Variants in FSTL5 observed in about 807,000 individuals in gnomAD.
The protein encoded by FSTL5 is follistatin like 5, also known as follistatin-related protein 5.
A neutral mutation model predicts 89.1 loss-of-function variants in FSTL5; 62 were observed. That is an observed-to-expected ratio of 0.70 (90% confidence interval 0.57 to 0.86). The LOEUF (loss-of-function observed/expected upper bound fraction) is 0.86, where lower values mean the gene tolerates loss of function less well. FSTL5 is among the 40% of genes least tolerant of loss of function. The pLI, the probability that FSTL5 is intolerant of heterozygous loss-of-function variation, is 0.00. For synonymous variants in FSTL5, 383 were observed against 346.2 expected, an observed-to-expected ratio of 1.11 and a Z score of -1.18; for missense variants, 1,057 against 1,001.6, an observed-to-expected ratio of 1.06 and a Z score of -0.75.
At chr4:161,714,953 T>G (rs1192486862) in intron 6 of FSTL5, among the ~76,000 whole-genome samples, 1 of 152,140 alleles carries the variant, frequency 6.6e-6, no homozygotes, top group Non-Finnish European at 1.5e-5. Context: ...ACTTAATAAA[T>G]AGTAAATTTT....
At chr4:161,860,226 T>C (rs1452336787) in intron 4 of FSTL5, among the ~76,000 whole-genome samples, 4 of 151,994 alleles carry the variant, frequency 2.6e-5, no homozygotes, top group Admixed American at 6.6e-5. Context: ...AGGCGGAGCT[T>C]GCAGTGAGAG....
At chr4:161,621,008 T>C (rs1258585013) in intron 7 of FSTL5, among the ~76,000 whole-genome samples, 1 of 151,892 alleles carries the variant, frequency 6.6e-6, no homozygotes, top group African/African-American at 2.4e-5. Context: ...AGAAACACAG[T>C]AGGAATATAA....
intron 3 of FSTL5, among the ~76,000 whole-genome samples, chr4:161,949,960 G>C (rs991203156): frequency 6.6e-6 from 1 of 151,594 alleles, no homozygotes; most frequent in Non-Finnish European, 1.5e-5. Context: ...TAATTGTTTT[G>C]TCTCTTGATG....
chr4:161,505,618 A>G (rs1730451548), intron 11 of FSTL5, among the ~76,000 whole-genome samples: 1 of 152,214 alleles, frequency 6.6e-6, no homozygotes, highest in Non-Finnish European at 1.5e-5. Flanking sequence ...AAATGTTATA[A>G]TGTAATAGAA....
At chr4:162,136,027 C>T (rs191038026) in intron 1 of FSTL5, among the ~76,000 whole-genome samples, 1 of 152,018 alleles carries the variant, frequency 6.6e-6, no homozygotes, top group Non-Finnish European at 1.5e-5. Context: ...AATCAAAATC[C>T]TTTACAGATC....
intron 13 of FSTL5, among the ~76,000 whole-genome samples, chr4:161,478,143 T>G (rs1729358871): frequency 6.6e-6 from 1 of 152,100 alleles, no homozygotes; most frequent in Admixed American, 6.5e-5. Context: ...TGTACAAAAT[T>G]GTAGCAAGTA....
intron 4 of FSTL5, among the ~76,000 whole-genome samples, chr4:161,865,625 A>G (rs943507365): frequency 7.9e-5 from 12 of 152,076 alleles, no homozygotes; most frequent in African/African-American, 2.7e-4. Flanking sequence ...CAATATCAAG[A>G]TTTGCTTTCT....
At position 161,618,856 on chromosome 4, in the gene FSTL5, C is replaced by A. The variant is rs796430329; in HGVS notation, c.895-31281G>T. ...AAAAACTACTTTAAAGTTCATATGA[C>A]ACCAAAAAAGAGCCTGCATCGCCAA... On this transcript the variant is annotated intron_variant, in intron 7 of 15. Coordinates refer to ENST00000306100, the MANE Select transcript of FSTL5 (RefSeq NM_020116.5). Among the ~76,000 whole-genome samples, 31 of 152,154 alleles carry A rather than the reference C, an allele frequency of 2.0e-4. No homozygotes were observed. In the South Asian group the frequency reaches 2.1e-3, roughly 10 times the overall value.
chr4:161,420,703 T>A (rs1399641148), intron 15 of FSTL5, among the ~76,000 whole-genome samples: 1 of 151,216 alleles, frequency 6.6e-6, no homozygotes, highest in African/African-American at 2.4e-5. Context: ...ATTGAGGATA[T>A]GAATACCATT....
chr4:162,109,264 G>T (rs768135195), intron 2 of FSTL5, among the ~76,000 whole-genome samples: 2 of 151,820 alleles, frequency 1.3e-5, no homozygotes, highest in Non-Finnish European at 2.9e-5. Context: ...GAATATGAGG[G>T]TTGACAATGA....
intron 3 of FSTL5, among the ~76,000 whole-genome samples, chr4:161,977,357 A>T (rs1735677841): frequency 6.6e-6 from 1 of 152,054 alleles, no homozygotes; most frequent in South Asian, 2.1e-4. Context: ...TCACGCCTGT[A>T]ATCCCAGCAC....
chr4:161,620,131 T>A (rs918224591), intron 7 of FSTL5, among the ~76,000 whole-genome samples: 1 of 138,670 alleles, frequency 7.2e-6, no homozygotes, highest in Non-Finnish European at 1.5e-5. Context: ...TAGGTGGGAA[T>A]TGAACAATGA....
intron 2 of FSTL5, among the ~76,000 whole-genome samples, chr4:162,069,843 A>C (rs1371201901): frequency 2.0e-5 from 3 of 151,546 alleles, no homozygotes; most frequent in Non-Finnish European, 4.4e-5. Flanking sequence ...ATGGTGCTGT[A>C]ATAAACATGG....
At chr4:161,675,780 T>C (rs1475753945) in intron 6 of FSTL5, among the ~76,000 whole-genome samples, 2 of 152,020 alleles carry the variant, frequency 1.3e-5, no homozygotes, top group African/African-American at 4.8e-5. Context: ...TTTATGCTAA[T>C]GAGACGCTAT....
chr4:161,698,661 G>C (rs1047944798), intron 6 of FSTL5, among the ~76,000 whole-genome samples: 7 of 152,216 alleles, frequency 4.6e-5, no homozygotes, highest in African/African-American at 1.7e-4. Flanking sequence ...AGGCGCAGTG[G>C]CTCACGCCTG....
At chr4:161,681,492 TAAC>T (rs1207168282) in intron 6 of FSTL5, among the ~76,000 whole-genome samples, 1 of 152,052 alleles carries the variant, frequency 6.6e-6, no homozygotes, top group Non-Finnish European at 1.5e-5. Flanking sequence ...CACTGACAAA[TAAC>T]AAGAGGCAGT....
intron 2 of FSTL5, among the ~76,000 whole-genome samples, chr4:162,081,793 TTCTCTC>T (rs5863514): frequency 8.7e-4 from 128 of 147,904 alleles, no homozygotes; most frequent in Non-Finnish European, 9.4e-4. Context: ...AGAAAACTGC[TTCTCTC>T]TCTCTCTCTC....
At chr4:161,913,176 A>G (rs937741862) in intron 4 of FSTL5, among the ~76,000 whole-genome samples, 4 of 152,222 alleles carry the variant, frequency 2.6e-5, no homozygotes, top group African/African-American at 7.2e-5. Flanking sequence ...GGAGAAATTC[A>G]AAGCGGCTAC....
intron 10 of FSTL5, among the ~76,000 whole-genome samples, chr4:161,535,792 T>C (rs780421085): frequency 5.9e-5 from 9 of 152,066 alleles, no homozygotes; most frequent in Non-Finnish European, 1.3e-4. Context: ...CACTTGCATG[T>C]TTGTTGCAGC....
Sources: allele counts gnomAD v4.1 joint callset (sites outside exome capture counted in the v4.1 genomes callset), GRCh38; gene constraint gnomAD v4.1.1; transcripts MANE v1.5; gene names NCBI Gene and HGNC (gene_info 2026-07-23, HGNC 2026-07-21).